The following GPCPD1 variants were observed in gnomAD, a reference collection of about 807,000 sequenced individuals.
GPCPD1 encodes the protein glycerophosphocholine phosphodiesterase GPCPD1.
Under a neutral mutation model 89.2 loss-of-function variants are expected in GPCPD1, and 29 were observed. The ratio of observed to expected loss-of-function variants is 0.33; its 90% CI spans 0.24 to 0.44. The LOEUF (loss-of-function observed/expected upper bound fraction) is 0.44. Ranked by LOEUF, GPCPD1 falls within the 20% of genes least tolerant of loss-of-function variation. The pLI is 1.00. For synonymous variants in GPCPD1, 258 were observed against 266.3 expected (o/e 0.97, Z 0.30); for missense variants, 594 against 808.9 (o/e 0.73, Z 3.22).
chr20:5,588,767 G>A (rs6139767), intron 4 of GPCPD1, among the ~76,000 whole-genome samples: 2 of 152,066 alleles, frequency 1.3e-5, no homozygotes, highest in Admixed American at 1.3e-4. Context: ...GGAGGCTGCA[G>A]TGAGCTGAGA....
intron 14 of GPCPD1, 103 bp from the exon 15 acceptor site, chr20:5,565,181 A>T (rs891013076): frequency 1.7e-5 from 12 of 699,316 alleles, no homozygotes; most frequent in South Asian, 6.3e-5. Context: ...AGAGAGAGAG[A>T]GTGTGTGTGT....
At chr20:5,585,612 TACAAAAAAAAAAAG>T (rs1371220992) in intron 5 of GPCPD1, 2 of 83,442 alleles carry the variant, frequency 2.4e-5, no homozygotes, top group Non-Finnish European at 4.7e-5. Context: ...GAAAACAACT[TACAAAAAAAAAAAG>T]ACAAAAAAAA....
Position 5,575,508 on chromosome 20 carries a change from A to G in GPCPD1, c.906T>C (p.Ser302=). The G allele has an allele frequency of 6.3e-7, 1 of 1,586,984 alleles. No homozygotes were observed. Among genetic ancestry groups the G allele is most frequent in the South Asian group, 1.1e-5 (1 of 90,398 alleles). The stretch of plus-strand genomic sequence containing the variant: ...TGGAAAATGAAGATTTCATGTCACA[A>G]CTGTATCCTGGTAATGGCTTAATAA... ...YIIIKPLPGY[S]CDMKSSFSKY... is the part of the protein sequence containing the mutation. The change falls in exon 10 of 20, where the codon AGT becomes AGC. Residue 302 remains serine, a synonymous_variant. Coordinates refer to ENST00000379019, the MANE Select transcript of GPCPD1 (RefSeq NM_019593.5).
chr20:5,586,399 T>C, intron 4 of GPCPD1, 130 bp from the exon 5 acceptor site: 1 of 587,246 alleles, frequency 1.7e-6, no homozygotes, highest in Non-Finnish European at 3.1e-6. Context: ...ATTATCAATA[T>C]TATATGCCAA....
At chr20:5,553,058 C>T (rs1367234523) in intron 19 of GPCPD1, among the ~76,000 whole-genome samples, 4 of 152,128 alleles carry the variant, frequency 2.6e-5, no homozygotes, top group African/African-American at 9.7e-5. Flanking sequence ...CATGAACCAC[C>T]ATGCCCCACC....
At chr20:5,600,776 G>A (rs1980076202) in intron 2 of GPCPD1, among the ~76,000 whole-genome samples, 1 of 152,016 alleles carries the variant, frequency 6.6e-6, no homozygotes, top group African/African-American at 2.4e-5. Context: ...AGGCTGCAGT[G>A]AGCCAAGATC....
Position 5,610,845 on chromosome 20 carries a change from C to A in GPCPD1, c.-32G>T, listed in dbSNP as rs1209797817. On this transcript the variant is annotated 5_prime_UTR_variant, in exon 1 of 20. Coordinates refer to ENST00000379019, the MANE Select transcript of GPCPD1 (RefSeq NM_019593.5). ...CGCACCCGGCTCGCTGCCTCACCTC[C>A]GGGTTCGCTAGTCCGCAGGTCCGCG... 1 of 151,532 alleles carries A rather than the reference C, an allele frequency of 6.6e-6. No individual in the cohort carries two copies. The highest frequency in any genetic ancestry group is 1.5e-5 in the Non-Finnish European group (1 of 67,896). The allele number at this position is 151,532 out of a possible 1,614,324, so 9.4% of individuals were successfully genotyped here. A position where few individuals can be genotyped will look rare whatever the true frequency, so the allele number is the denominator to read the frequency against.
intron 1 of GPCPD1, among the ~76,000 whole-genome samples, chr20:5,605,015 A>T (rs1263341201): frequency 1.3e-5 from 2 of 152,082 alleles, no homozygotes; most frequent in Admixed American, 1.3e-4. Flanking sequence ...ATGAAAATGA[A>T]TCTCAATTAT....
At chr20:5,569,158 A>C (rs753443461) in intron 12 of GPCPD1, among the ~76,000 whole-genome samples, 1 of 151,474 alleles carries the variant, frequency 6.6e-6, no homozygotes, top group Non-Finnish European at 1.5e-5. Flanking sequence ...CATTTCGCAG[A>C]AACAAAAGGG....
intron 11 of GPCPD1, among the ~76,000 whole-genome samples, chr20:5,573,015 G>C (rs1026874045): frequency 1.3e-5 from 2 of 151,858 alleles, no homozygotes; most frequent in African/African-American, 4.8e-5. Flanking sequence ...GGGACTATAG[G>C]TATGAGCCAC....
intron 19 of GPCPD1, among the ~76,000 whole-genome samples, chr20:5,552,774 A>C (rs1003342623): frequency 9.9e-5 from 15 of 152,218 alleles, no homozygotes; most frequent in African/African-American, 3.6e-4. Context: ...CTACAATTTT[A>C]AAACCAAACT....
intron 19 of GPCPD1, among the ~76,000 whole-genome samples, chr20:5,552,505 T>A (rs4813763): frequency 1.3e-5 from 2 of 152,182 alleles, no homozygotes; most frequent in Non-Finnish European, 2.9e-5. Flanking sequence ...CTGAAATTTG[T>A]ATACTCTACA....
rs1237017109 is a variant in GPCPD1 at position 5,561,149 on chromosome 20, TAAG to T, written c.1395+313_1395+315del. On this transcript the variant is annotated intron_variant, in intron 16 of 19. Transcript: ENST00000379019. ...TATTTAAAACATTCTTATATGGGAA[TAAG>T]AAAGTAAAAACTAAATCCAAGAGAT... is the stretch of plus-strand genomic sequence containing the variant. Among the ~76,000 whole-genome samples, 17 of 152,194 alleles carry T rather than the reference TAAG, an allele frequency of 1.1e-4. 1 individual carries two copies. The highest frequency in any genetic ancestry group is 3.9e-4 in the Admixed American group (6 of 15,274).
intron 4 of GPCPD1, among the ~76,000 whole-genome samples, chr20:5,590,542 C>CAAAAAAAAAAAAAAAAG (rs71197771): frequency 1.3e-5 from 1 of 78,982 alleles, no homozygotes; most frequent in Non-Finnish European, 2.4e-5. Context: ...GACTCTGTCT[C>CAAAAAAAAAAAAAAAAG]AAAAAAAAAA....
rs531602598 is a variant in GPCPD1 at position 5,580,197 on chromosome 20, C to G, written c.350-66G>C. On this transcript the variant is annotated intron_variant, in intron 6 of 19. Coordinates refer to ENST00000379019, the MANE Select transcript of GPCPD1 (RefSeq NM_019593.5). ...TTTTTTTAAACAACACAATAAGTAC[C>G]TATAGGCATTGATAATTCTAGTTCA... 57 of 782,940 alleles carry G rather than the reference C, an allele frequency of 7.3e-5. No homozygotes were observed. The South Asian group carries it at 9.9e-4, about 14-fold the overall frequency. The allele number at this position is 782,940 out of a possible 1,614,324, so 48.5% of individuals were successfully genotyped here.
intron 3 of GPCPD1, among the ~76,000 whole-genome samples, chr20:5,598,004 C>G (rs572466367): frequency 6.6e-6 from 1 of 151,776 alleles, no homozygotes; most frequent in Non-Finnish European, 1.5e-5. Flanking sequence ...TATGTACTTA[C>G]CATTAAAAAA....
chr20:5,566,730 T>A lies in GPCPD1; in HGVS notation c.1267+3A>T. The A allele has an allele frequency of 6.5e-7, 1 of 1,544,472 alleles. No individual in the cohort carries two copies. The highest frequency in any genetic ancestry group is 1.4e-5 in the African/African-American group (1 of 73,706). On this transcript the variant is annotated splice_donor_region_variant and intron_variant, in intron 14 of 19. Transcript: ENST00000379019. The stretch of plus-strand genomic sequence containing the variant: ...AAAACAGTGTTTCCATATTGGTACA[T>A]ACCTTTCCGATCCTTAGATTTCAGT...
chr20:5,561,623 A>T (rs758525652), intron 15 of GPCPD1, 93 bp from the exon 16 acceptor site: 3 of 622,632 alleles, frequency 4.8e-6, no homozygotes, highest in Non-Finnish European at 8.5e-6. Flanking sequence ...AAAAATAATA[A>T]GAATTTATCA....
intron 1 of GPCPD1, among the ~76,000 whole-genome samples, chr20:5,610,162 G>A (rs1485035526): frequency 6.6e-6 from 1 of 152,186 alleles, no homozygotes; most frequent in Non-Finnish European, 1.5e-5. Context: ...GGACACCTAA[G>A]TGATTGAGGC....
Sources: allele counts gnomAD v4.1 joint callset (sites outside exome capture counted in the v4.1 genomes callset), GRCh38; gene constraint gnomAD v4.1.1; transcripts MANE v1.5; gene names NCBI Gene and HGNC (gene_info 2026-07-23, HGNC 2026-07-21).